The following AK9 variants were observed in gnomAD, a reference collection of about 807,000 sequenced individuals.
AK9 encodes adenylate kinase domain containing 1.
A neutral mutation model predicts 239.6 loss-of-function variants in AK9; 191 were observed. That is an observed-to-expected ratio of 0.80 (90% confidence interval 0.71 to 0.90). AK9 has a LOEUF of 0.90. Ranked by LOEUF, AK9 falls within the 40% of genes least tolerant of loss-of-function variation. The pLI, the probability that AK9 is intolerant of heterozygous loss-of-function variation, is 0.00. For missense variants in AK9, 1,995 were observed against 2,214.7 expected, an observed-to-expected ratio of 0.90 and a Z score of 1.99; for synonymous variants, 689 against 721.0, an observed-to-expected ratio of 0.96 and a Z score of 0.71.
chr6:109,523,122 C>A (rs535802024), intron 29 of AK9, among the ~76,000 whole-genome samples: 4 of 152,178 alleles, frequency 2.6e-5, no homozygotes, highest in South Asian at 2.1e-4. Flanking sequence ...GAGTTTTATT[C>A]TTACTTTTTA....
chr6:109,686,405 C>A (rs1773516387), intron 1 of AK9, among the ~76,000 whole-genome samples: 1 of 152,200 alleles, frequency 6.6e-6, no homozygotes, highest in Admixed American at 6.5e-5. Context: ...AAAAGAGGCA[C>A]AGTATTTTGC....
In AK9 at chr6:109,546,141, T is replaced by A; in HGVS notation, c.2965-14A>T. The A allele has an allele frequency of 1.7e-6, 1 of 579,586 alleles. No homozygotes were observed. Among genetic ancestry groups the A allele is most frequent in the Non-Finnish European group, 2.9e-6 (1 of 344,320 alleles). The allele number at this position is 579,586 out of a possible 1,614,324, so 35.9% of individuals were successfully genotyped here. A position where few individuals can be genotyped will look rare whatever the true frequency, so the allele number is the denominator to read the frequency against. On this transcript the variant is annotated splice_polypyrimidine_tract_variant and intron_variant, in intron 25 of 40. Coordinates refer to ENST00000424296, the MANE Select transcript of AK9 (RefSeq NM_001145128.3). Reference sequence around the variant, plus strand: ...TAATGGAGGAGCCTGTCACAGGGGGTGGGTCAGGGAGGGGTGGGATAAAGG... The same window carrying A: ...TAATGGAGGAGCCTGTCACAGGGGGAGGGTCAGGGAGGGGTGGGATAAAGG...
At position 109,564,786 on chromosome 6, in the gene AK9, C is replaced by T. The variant is rs1405628000; in HGVS notation, c.2404G>A (p.Gly802Ser). ...ETEIPKGSKE[G>S]LEIEKLSETV... is the part of the protein sequence containing the mutation. ...TCAGATAATTTTTCAATTTCCAGGCCCTCTTTGGATCCTTTTGGGATTTCT... is the reference window on the plus strand; with the variant it reads ...TCAGATAATTTTTCAATTTCCAGGCTCTCTTTGGATCCTTTTGGGATTTCT... The change falls in exon 22 of 41, where the codon GGC (glycine) becomes AGC (serine). Residue 802 changes from glycine to serine, a missense_variant. By Grantham distance (56) the Gly-to-Ser change is moderately conservative. Transcript: ENST00000424296. 2 of 1,545,178 alleles carry T rather than the reference C, an allele frequency of 1.3e-6. No homozygotes were observed. Among genetic ancestry groups the T allele is most frequent in the African/African-American group, 1.4e-5 (1 of 72,794 alleles).
chr6:109,536,987 G>A (rs536585476), intron 27 of AK9, among the ~76,000 whole-genome samples: 5 of 152,172 alleles, frequency 3.3e-5, no homozygotes, highest in Non-Finnish European at 7.3e-5. Flanking sequence ...TTTTTGATGT[G>A]CTGTTGGATT....
At chr6:109,602,059 C>T (rs1386213342) in intron 17 of AK9, among the ~76,000 whole-genome samples, 3 of 152,048 alleles carry the variant, frequency 2.0e-5, no homozygotes, top group African/African-American at 7.2e-5. Context: ...TTAATTGGAG[C>T]ATTTAGCCCA....
Position 109,534,260 on chromosome 6 carries a change from G to C in AK9, c.3351-790C>G, listed in dbSNP as rs555891463. On this transcript the variant is annotated intron_variant, in intron 27 of 40. Coordinates refer to ENST00000424296, the MANE Select transcript of AK9 (RefSeq NM_001145128.3). ...AAAAAAAAGAATCAGGATAATAACTGGAATGTTAATTAGAGCACTTATTTT... is the reference window on the plus strand; with the variant it reads ...AAAAAAAAGAATCAGGATAATAACTCGAATGTTAATTAGAGCACTTATTTT... 2.0e-3 allele frequency among the ~76,000 whole-genome samples: 299 copies of C among 149,060 alleles called. 1 individual carries two copies. Among genetic ancestry groups the C allele is most frequent in the African/African-American group, 6.9e-3 (283 of 40,776 alleles).
chr6:109,658,545 G>C (rs1252373849), intron 7 of AK9, among the ~76,000 whole-genome samples: 2 of 152,180 alleles, frequency 1.3e-5, no homozygotes, highest in South Asian at 2.1e-4. Context: ...TGTGGCAAGT[G>C]CAACTGGAAC....
chr6:109,519,111 C>T (rs1779566165), intron 29 of AK9, among the ~76,000 whole-genome samples: 1 of 152,138 alleles, frequency 6.6e-6, no homozygotes, highest in Non-Finnish European at 1.5e-5. Flanking sequence ...TGGCTTCCAG[C>T]TGCATCCACA....
intron 27 of AK9, among the ~76,000 whole-genome samples, chr6:109,538,166 C>A (rs559006624): frequency 6.6e-6 from 1 of 152,016 alleles, no homozygotes; most frequent in African/African-American, 2.4e-5. Flanking sequence ...TCCTTGTGAA[C>A]TTTCTGTCTC....
At chr6:109,604,166 C>T (rs532451385) in intron 17 of AK9, among the ~76,000 whole-genome samples, 12 of 152,238 alleles carry the variant, frequency 7.9e-5, no homozygotes, top group Middle Eastern at 3.4e-3. Context: ...GCGTCATTCA[C>T]GCTGGGAGCT....
chr6:109,575,288 TC>T (rs1787919850), intron 20 of AK9, among the ~76,000 whole-genome samples: 1 of 152,202 alleles, frequency 6.6e-6, no homozygotes. Flanking sequence ...TGGTTTACAT[TC>T]CCACAAGCAG....
chr6:109,614,779 CTG>C (rs1181638718), intron 13 of AK9, among the ~76,000 whole-genome samples: 1 of 152,106 alleles, frequency 6.6e-6, no homozygotes, highest in Non-Finnish European at 1.5e-5. Flanking sequence ...CTGCCATCCT[CTG>C]TATAATCATG....
At chr6:109,593,817 C>T (rs551132330) in intron 17 of AK9, among the ~76,000 whole-genome samples, 25 of 152,252 alleles carry the variant, frequency 1.6e-4, no homozygotes, top group African/African-American at 2.9e-4. Flanking sequence ...TTCAACACCC[C>T]GTCATGCTAA....
chr6:109,690,180 T>G (rs1322322723), intron 1 of AK9, among the ~76,000 whole-genome samples: 1 of 152,194 alleles, frequency 6.6e-6, no homozygotes, highest in East Asian at 1.9e-4. Context: ...TAGCAGAGGT[T>G]TCTGAGGTTT....
At chr6:109,653,378 G>A (rs148686708) in intron 8 of AK9, among the ~76,000 whole-genome samples, 412 of 152,280 alleles carry the variant, frequency 2.7e-3, no homozygotes, top group Non-Finnish European at 4.1e-3. Flanking sequence ...GCCAAACTGA[G>A]TTAAAAAACG....
chr6:109,571,603 T>C (rs9374106), intron 21 of AK9, among the ~76,000 whole-genome samples: 4,668 of 152,286 alleles, frequency 0.031, 126 homozygotes, highest in East Asian at 0.095. Flanking sequence ...GTATAATTTC[T>C]GTATTTTCTA....
At chr6:109,684,967 C>T (rs1398714049) in intron 1 of AK9, among the ~76,000 whole-genome samples, 1 of 132,922 alleles carries the variant, frequency 7.5e-6, no homozygotes. Context: ...ATGCAGCCAA[C>T]AGACATATGG....
chr6:109,522,349 C>T (rs1246086612), intron 29 of AK9, among the ~76,000 whole-genome samples: 1 of 151,964 alleles, frequency 6.6e-6, no homozygotes, highest in Non-Finnish European at 1.5e-5. Flanking sequence ...TTTCTTCTAA[C>T]ATTTCTTAGA....
At chr6:109,673,339 A>T (rs956284731) in intron 3 of AK9, among the ~76,000 whole-genome samples, 1 of 152,190 alleles carries the variant, frequency 6.6e-6, no homozygotes, top group Non-Finnish European at 1.5e-5. Flanking sequence ...GATTGTAGTA[A>T]TTGTAAAGAT....
Sources: allele counts gnomAD v4.1 joint callset (sites outside exome capture counted in the v4.1 genomes callset), GRCh38; gene constraint gnomAD v4.1.1; transcripts MANE v1.5; gene names NCBI Gene and HGNC (gene_info 2026-07-23, HGNC 2026-07-21).